The following TDRD1 variants were observed in gnomAD, a reference collection of about 807,000 sequenced individuals.
TDRD1 encodes tudor domain-containing protein 1.
TDRD1 carries 37 observed loss-of-function variants against 140.6 expected under a neutral mutation model. The observed-to-expected ratio is 0.26, with a 90% CI of 0.20 to 0.35. The LOEUF is 0.35. Ranked by LOEUF, TDRD1 falls within the 10% of genes least tolerant of loss-of-function variation. The probability of loss-of-function intolerance (pLI) is 1.00; values close to 1 mark genes in which losing one functional copy is unlikely to be tolerated. For missense variants in TDRD1, 1,243 were observed against 1,393.0 expected (o/e 0.89, Z 1.71); for synonymous variants, 506 against 475.7 (o/e 1.06, Z -0.83).
upstream of TDRD1, among the ~76,000 whole-genome samples, chr10:114,178,067 T>G (rs1267635611): frequency 1.3e-5 from 2 of 152,100 alleles, no homozygotes; most frequent in Non-Finnish European, 2.9e-5. Context: ...GGTCTCGAAC[T>G]CCAGACCTCA....
At chr10:114,211,752 T>A (rs2035497040) in intron 13 of TDRD1, 114 bp from the exon 14 acceptor site, 1 of 1,055,284 alleles carries the variant, frequency 9.5e-7, no homozygotes, top group African/African-American at 1.7e-5. Flanking sequence ...TCTATAAGCT[T>A]GATATCTATT....
intron 5 of TDRD1, 133 bp from the exon 6 acceptor site, chr10:114,202,105 C>T (rs1240322885): frequency 1.5e-6 from 1 of 660,082 alleles, no homozygotes; most frequent in African/African-American, 1.8e-5. Context: ...TTTTACATTA[C>T]CACTGTGATT....
At position 114,188,097 on chromosome 10, in the gene TDRD1, C is replaced by G. The variant is rs139938740; in HGVS notation, c.266C>G (p.Pro89Arg). The change falls in exon 2 of 26, where the codon CCG becomes CGG. Residue 89 changes from proline (P) to arginine (R), a missense_variant. Pro to Arg is a moderately radical substitution (Grantham distance 103). Transcript: ENST00000251864. Reference sequence around the variant, plus strand: ...GAAGACAATTCAGTTTCTTCAAACCCGAATGGCATCAACGGAGAAGTAGTT... The same window carrying G: ...GAAGACAATTCAGTTTCTTCAAACCGGAATGGCATCAACGGAGAAGTAGTT... 5 of 1,611,450 alleles carry G rather than the reference C, an allele frequency of 3.1e-6. No homozygotes were observed. The highest frequency in any genetic ancestry group is 1.1e-5 in the South Asian group (1 of 90,852).
chr10:114,201,654 A>G, intron 5 of TDRD1, 139 bp downstream of exon 5: 2 of 618,498 alleles, frequency 3.2e-6, no homozygotes, highest in Admixed American at 6.0e-5. Context: ...ACAAATCTGA[A>G]GTGAACAGCT....
At position 114,228,045 on chromosome 10, in the gene TDRD1, A is replaced by G. The variant is rs748777081; in HGVS notation, c.3458A>G (p.Lys1153Arg). The change falls in exon 25 of 26, where the codon AAA becomes AGA. Residue 1153 changes from lysine to arginine, a missense_variant. Transcript: ENST00000251864. ...TTTCTTTTTCACCCACAGGTTGAAA[A>G]ACATGAACATATTCTTCTCTTCCTC... 1.9e-6 allele frequency: 3 copies of G among 1,610,080 alleles called. No homozygotes were observed. In the East Asian group the frequency reaches 6.7e-5, roughly 36 times the overall value.
upstream of TDRD1, among the ~76,000 whole-genome samples, chr10:114,179,076 A>T (rs1265453573): frequency 1.3e-5 from 2 of 152,242 alleles, no homozygotes. Context: ...GAGGAGACAA[A>T]GTCTGCATCT....
At chr10:114,221,258 T>A (rs1329891059) in intron 19 of TDRD1, 99 bp from the exon 20 acceptor site, 1 of 1,133,634 alleles carries the variant, frequency 8.8e-7, no homozygotes, top group East Asian at 2.4e-5. Context: ...ATGTTGATAA[T>A]CATTTCATGA....
chr10:114,212,030 C>T, exon 14 of TDRD1: 1 of 1,598,034 alleles, frequency 6.3e-7, no homozygotes, highest in South Asian at 1.2e-5. Context: ...AAAGTGTGTA[C>T]TAGCAGGTAT....
chr10:114,179,314 G>A, exon 1 of TDRD1: 1 of 152,896 alleles, frequency 6.5e-6, no homozygotes. Flanking sequence ...CGAGGGAAGT[G>A]CAGGGCGCAT....
chr10:114,209,941 T>G (rs1431131733), intron 11 of TDRD1, among the ~76,000 whole-genome samples: 6 of 152,250 alleles, frequency 3.9e-5, no homozygotes. Context: ...TAAGTCTTGA[T>G]GCTAAAAATA....
At chr10:114,191,078 T>TAAA in intron 3 of TDRD1, 59 bp downstream of exon 3, 1 of 1,536,198 alleles carries the variant, frequency 6.5e-7, no homozygotes, top group Non-Finnish European at 8.9e-7. Context: ...CATGTTTTAT[T>TAAA]TATTTAATAA....
intron 1 of TDRD1, among the ~76,000 whole-genome samples, chr10:114,186,449 A>G (rs1296492297): frequency 6.6e-6 from 1 of 152,112 alleles, no homozygotes; most frequent in Non-Finnish European, 1.5e-5. Flanking sequence ...TATTTTTAGT[A>G]GAGACGGGGT....
chr10:114,225,925 GAACTGT>G, intron 21 of TDRD1, 118 bp from the exon 22 acceptor site: 1 of 782,848 alleles, frequency 1.3e-6, no homozygotes, highest in Non-Finnish European at 2.2e-6. Context: ...TATTTAATTT[GAACTGT>G]AACCAGAAAT....
chr10:114,205,608 T>C (rs2035046030), intron 10 of TDRD1, among the ~76,000 whole-genome samples: 2 of 152,200 alleles, frequency 1.3e-5, no homozygotes, highest in South Asian at 4.1e-4. Context: ...TCTAAGCATA[T>C]TTGTGAGGTG....
chr10:114,174,964 G>A (rs2119820688), upstream of TDRD1, among the ~76,000 whole-genome samples: 1 of 152,304 alleles, frequency 6.6e-6, no homozygotes, highest in East Asian at 1.9e-4. Flanking sequence ...CTTTGGTTTA[G>A]GTCTTACACA....
intron 4 of TDRD1, 45 bp from the exon 5 acceptor site, chr10:114,201,365 T>C (rs1415403216): frequency 6.8e-7 from 1 of 1,478,772 alleles, no homozygotes; most frequent in Non-Finnish European, 9.5e-7. Flanking sequence ...ACTTTGAGAA[T>C]GTCTTGATCT....
At chr10:114,196,263 T>A (rs1234202879) in intron 3 of TDRD1, among the ~76,000 whole-genome samples, 1 of 152,230 alleles carries the variant, frequency 6.6e-6, no homozygotes, top group East Asian at 1.9e-4. Flanking sequence ...TTCTTCTTTC[T>A]GTTTCAGTGT....
chr10:114,179,225 GT>G (rs1327136969), upstream of TDRD1: 2 of 152,372 alleles, frequency 1.3e-5, no homozygotes. Context: ...GAGGGAACAC[GT>G]GGGCACATTG....
rs558651301 is a variant in TDRD1 at position 114,206,191 on chromosome 10, T to C, written c.1298-53T>C. On this transcript the variant is annotated intron_variant, in intron 10 of 25. Transcript: ENST00000251864. ...TTGTTTCTTCTTTACGCTTTTCCCA[T>C]AATTCTTTGTATAGTTTCTCAATGG... 77 of 1,321,942 alleles carry C rather than the reference T, an allele frequency of 5.8e-5. 1 individual carries two copies. The Admixed American group carries it at 1.3e-3, about 23-fold the overall frequency. 81.9% of individuals were successfully genotyped at this position (1,321,942 alleles called of 1,614,324 possible).
Sources: allele counts gnomAD v4.1 joint callset (sites outside exome capture counted in the v4.1 genomes callset), GRCh38; gene constraint gnomAD v4.1.1; transcripts MANE v1.5; gene names NCBI Gene and HGNC (gene_info 2026-07-23, HGNC 2026-07-21).